NCOA4: variants seen among roughly 807,000 people sequenced by gnomAD.
The protein encoded by NCOA4 is 70 kDa AR-activator.
A neutral mutation model predicts 69.5 loss-of-function variants in NCOA4; 31 were observed. The observed-to-expected ratio is 0.45, with a 90% confidence interval of 0.34 to 0.60. The LOEUF (loss-of-function observed/expected upper bound fraction) is 0.60, where lower values mean the gene tolerates loss of function less well. Among genes scored for constraint, NCOA4 ranks in the 20% least tolerant of loss-of-function variants. The pLI, the probability that NCOA4 is intolerant of heterozygous loss-of-function variation, is 0.02. For synonymous variants in NCOA4, 228 were observed against 252.4 expected (o/e 0.90, Z 0.92); for missense variants, 600 against 719.2 (o/e 0.83, Z 1.90).
At chr10:46,018,512 T>C (rs1474729982) in intron 1 of NCOA4, among the ~76,000 whole-genome samples, 1 of 152,244 alleles carries the variant, frequency 6.6e-6, no homozygotes, top group African/African-American at 2.4e-5. Flanking sequence ...TCAAAACTTA[T>C]TTCTGAGTAA....
chr10:46,012,932 G>T lies in NCOA4; in HGVS notation c.665C>A (p.Thr222Asn), dbSNP rs782660774. 5 of 1,614,178 alleles carry T rather than the reference G, an allele frequency of 3.1e-6. No individual in the cohort carries two copies. The South Asian group carries it at 5.5e-5, about 18-fold the overall frequency. The change falls in exon 7 of 10, where the codon ACC becomes AAC. Residue 222 changes from threonine to asparagine, a missense_variant. By Grantham distance (65) the Thr-to-Asn change is moderately conservative. Coordinates refer to ENST00000581486, the MANE Select transcript of NCOA4 (RefSeq NM_001145263.2). The stretch of plus-strand genomic sequence containing the variant: ...TTGGGTAAGCCAGTCCTGGGGGTCG[G>T]TGCTGGGTATGTAAGGAGCTTGATA... ...SGYQAPYIPSTDPQDWLTQKQ... is the reference protein window; with the variant it reads ...SGYQAPYIPSNDPQDWLTQKQ...
chr10:46,026,152 A>G (rs1554925478), intron 1 of NCOA4, among the ~76,000 whole-genome samples: 2 of 152,242 alleles, frequency 1.3e-5, no homozygotes, highest in Non-Finnish European at 2.9e-5. Context: ...ATGTCCCACT[A>G]AGGCCTGTAT....
At chr10:46,028,149 C>G (rs1328513602) in intron 1 of NCOA4, among the ~76,000 whole-genome samples, 2 of 152,128 alleles carry the variant, frequency 1.3e-5, no homozygotes, top group Admixed American at 6.5e-5. Flanking sequence ...TCCAGGTATC[C>G]TCGAGCCCAG....
At chr10:46,012,376 C>T (rs1013981111) in intron 7 of NCOA4, among the ~76,000 whole-genome samples, 4 of 151,976 alleles carry the variant, frequency 2.6e-5, no homozygotes, top group African/African-American at 9.7e-5. Context: ...AGGAACTAAT[C>T]AAGAATGCAC....
At chr10:46,024,630 AAAATCT>A (rs1840062805) in intron 1 of NCOA4, among the ~76,000 whole-genome samples, 1 of 152,246 alleles carries the variant, frequency 6.6e-6, no homozygotes, top group African/African-American at 2.4e-5. Flanking sequence ...GAAAATCACA[AAAATCT>A]AAAATTCTGC....
chr10:46,020,453 G>A (rs2030258471), intron 1 of NCOA4, among the ~76,000 whole-genome samples: 1 of 152,176 alleles, frequency 6.6e-6, no homozygotes, highest in Admixed American at 6.5e-5. Flanking sequence ...CCACATTGCA[G>A]TGGTTATTGT....
At position 46,013,563 on chromosome 10, in the gene NCOA4, G is replaced by A. The variant is rs1313916402; in HGVS notation, c.557C>T (p.Ser186Phe). 2 of 1,610,500 alleles carry A rather than the reference G, an allele frequency of 1.2e-6. No homozygotes were observed. The highest frequency in any genetic ancestry group is 1.7e-5 in the Admixed American group (1 of 59,862). Residue 186 changes from serine to phenylalanine, a missense_variant, in exon 6 of 10, where the codon TCC becomes TTC. Coordinates refer to ENST00000581486, the MANE Select transcript of NCOA4 (RefSeq NM_001145263.2). ...GPFLEKRGCI[S>F]MPEQKSASGI... ...ATGATATTTTACCTGCTCTGGCATGGAGATACAGCCTCTCTTCTCCAGGAA... is the reference window on the plus strand; with the variant it reads ...ATGATATTTTACCTGCTCTGGCATGAAGATACAGCCTCTCTTCTCCAGGAA...
intron 1 of NCOA4, among the ~76,000 whole-genome samples, chr10:46,020,276 T>TC (rs1839798059): frequency 6.6e-6 from 1 of 152,182 alleles, no homozygotes; most frequent in African/African-American, 2.4e-5. Flanking sequence ...TATGGCTGTG[T>TC]CTCCAAGCTT....
chr10:46,006,499 G>T lies in NCOA4; in HGVS notation c.*93C>A. ...GGAGAAGAACTAAGCTAATTGGTCA[G>T]ACCCAGAAACACAAAGATTTGGCAA... On this transcript the variant is annotated 3_prime_UTR_variant, in exon 10 of 10. Coordinates refer to ENST00000581486, the MANE Select transcript of NCOA4 (RefSeq NM_001145263.2). The T allele has an allele frequency of 1.4e-6, 2 of 1,449,542 alleles. No homozygotes were observed. Among genetic ancestry groups the T allele is most frequent in the Non-Finnish European group, 1.9e-6 (2 of 1,031,706 alleles). The allele number at this position is 1,449,542 out of a possible 1,614,324, so 89.8% of individuals were successfully genotyped here.
At chr10:46,028,213 T>TCCTCACCATCTTTTATTTTTAA (rs1840263036) in intron 1 of NCOA4, among the ~76,000 whole-genome samples, 1 of 152,178 alleles carries the variant, frequency 6.6e-6, no homozygotes, top group Non-Finnish European at 1.5e-5. Context: ...TTGAGGCCAT[T>TCCTCACCATCTTTTATTTTTAA]CCTCACCATC....
At chr10:46,026,128 A>T (rs1554925476) in intron 1 of NCOA4, among the ~76,000 whole-genome samples, 1 of 152,244 alleles carries the variant, frequency 6.6e-6, no homozygotes. Context: ...CTTTAAACAT[A>T]GATAATCAAC....
At chr10:46,030,301 G>A (rs1840390307) in intron 1 of NCOA4, among the ~76,000 whole-genome samples, 1 of 151,384 alleles carries the variant, frequency 6.6e-6, no homozygotes, top group Non-Finnish European at 1.5e-5. Context: ...TGGCGGGAAG[G>A]CGAGAACGTA....
chr10:46,016,915 C>T (rs969265723), intron 1 of NCOA4, among the ~76,000 whole-genome samples: 17 of 152,190 alleles, frequency 1.1e-4, no homozygotes, highest in Admixed American at 4.6e-4. Context: ...ACTTTAGTGA[C>T]ACTTTACATG....
Position 46,010,310 on chromosome 10 carries a change from A to G in NCOA4, c.1611T>C (p.Ala537=), listed in dbSNP as rs781929781. Residue 537 remains alanine (A), a synonymous_variant, in exon 8 of 10, where the codon GCT becomes GCC. Coordinates refer to ENST00000581486, the MANE Select transcript of NCOA4 (RefSeq NM_001145263.2). ...MNTSWCSFNT[A]DWVLPGKKMG... ...TCTTCTTTCCTGGCAGGACCCAGTC[A>G]GCTGTGTTAAAGGAACACCAGGAAG... 2.5e-6 allele frequency: 4 copies of G among 1,614,230 alleles called. No homozygotes were observed. The highest frequency in any genetic ancestry group is 1.3e-5 in the African/African-American group (1 of 75,054).
intron 2 of NCOA4, 142 bp from the exon 3 acceptor site, chr10:46,015,408 T>C (rs1839482277): frequency 5.7e-6 from 4 of 705,256 alleles, no homozygotes; most frequent in East Asian, 2.6e-5. Flanking sequence ...ATGACATCTA[T>C]GAAGTATCTC....
Position 46,012,885 on chromosome 10 carries a change from G to T in NCOA4, c.712C>A (p.Gln238Lys). Residue 238 changes from glutamine (Q) to lysine (K), a missense_variant and splice_region_variant, in exon 7 of 10, where the codon CAG (glutamine) becomes AAG (lysine). Transcript: ENST00000581486. ...AAACAATAAAAGCAGCAACAGACCT[G>T]ACTGTTCTCCAAGGTCTGCTTTTGG... ...LTQKQTLENS[Q>K]TSSRACNFFN... 6.2e-7 allele frequency: 1 copy of T among 1,613,954 alleles called. No homozygotes were observed. Among genetic ancestry groups the T allele is most frequent in the South Asian group, 1.1e-5 (1 of 91,048 alleles).
chr10:46,029,670 T>C (rs1554926159), intron 1 of NCOA4, among the ~76,000 whole-genome samples: 1 of 152,232 alleles, frequency 6.6e-6, no homozygotes, highest in African/African-American at 2.4e-5. Context: ...GTAAAAAAGC[T>C]CTGCCTTTGG....
In NCOA4 at chr10:46,015,647, T is replaced by C. The variant is rs767133124; in HGVS notation, c.142-381A>G. On this transcript the variant is annotated intron_variant, in intron 2 of 9. Transcript: ENST00000581486. ...AATACAAGAATGTACCAGGAAATACTGACCCCCTCAGTTTTCCACATAATT... is the reference window on the plus strand; with the variant it reads ...AATACAAGAATGTACCAGGAAATACCGACCCCCTCAGTTTTCCACATAATT... Among the ~76,000 whole-genome samples the C allele has an allele frequency of 6.0e-4, 91 of 152,344 alleles. 2 individuals carry two copies. The highest frequency in any genetic ancestry group is 6.0e-4 in the Non-Finnish European group (41 of 68,026).
At position 46,014,532 on chromosome 10, in the gene NCOA4, T is replaced by C. The variant is rs1554922578; in HGVS notation, c.392A>G (p.Lys131Arg). The stretch of plus-strand genomic sequence containing the variant: ...GAGCAGGACAGTTGAATCTTCAGGC[T>C]TAAGGGTCAAACTGCCCAGTCTGGG... ...CLERLGSLTL[K>R]PEDSTVLLFE... is the part of the protein sequence containing the mutation. Residue 131 changes from lysine (K) to arginine (R), a missense_variant, in exon 5 of 10, where the codon AAG (lysine) becomes AGG (arginine). By Grantham distance (26) the Lys-to-Arg change is conservative. Coordinates refer to ENST00000581486, the MANE Select transcript of NCOA4 (RefSeq NM_001145263.2). The C allele has an allele frequency of 4.3e-6, 7 of 1,613,424 alleles. No individual in the cohort carries two copies. The highest frequency in any genetic ancestry group is 5.1e-6 in the Non-Finnish European group (6 of 1,179,708).
Sources: allele counts gnomAD v4.1 joint callset (sites outside exome capture counted in the v4.1 genomes callset), GRCh38; gene constraint gnomAD v4.1.1; transcripts MANE v1.5; gene names NCBI Gene and HGNC (gene_info 2026-07-23, HGNC 2026-07-21).